GPATCH2: variants seen among roughly 807,000 people sequenced by gnomAD.
GPATCH2 encodes G patch domain-containing protein 2.
In GPATCH2, 51 loss-of-function variants were observed where a neutral mutation model predicts 58.0. The ratio of observed to expected loss-of-function variants is 0.88; its 90% CI spans 0.70 to 1.11. GPATCH2 has a LOEUF of 1.11. GPATCH2 is among the 50% of genes most tolerant of loss of function. GPATCH2 has a pLI of 0.00. For missense variants in GPATCH2, 625 were observed against 652.2 expected (o/e 0.96, Z 0.45); for synonymous variants, 222 against 218.5 (o/e 1.02, Z -0.14).
chr1:217,431,334 T>C lies in GPATCH2; in HGVS notation c.1398A>G (p.Leu466=). The change falls in exon 10 of 10, where the codon CTA becomes CTG. Residue 466 remains leucine, a synonymous_variant. Coordinates refer to ENST00000366935, the MANE Select transcript of GPATCH2 (RefSeq NM_018040.5). ...GCATTCGGTTTCCAATATTATTTTCTAGGATTGGCTGGGCATTTTCACCTA... is the reference window on the plus strand; with the variant it reads ...GCATTCGGTTTCCAATATTATTTTCCAGGATTGGCTGGGCATTTTCACCTA... ...GFVGENAQPI[L]ENNIGNRMLQ... is the part of the protein sequence containing the mutation. The C allele has an allele frequency of 6.2e-7, 1 of 1,606,340 alleles. No homozygotes were observed. The highest frequency in any genetic ancestry group is 8.5e-7 in the Non-Finnish European group (1 of 1,172,808).
chr1:217,537,052 T>C (rs1265220909), intron 5 of GPATCH2, among the ~76,000 whole-genome samples: 3 of 152,194 alleles, frequency 2.0e-5, no homozygotes, highest in Non-Finnish European at 4.4e-5. Context: ...TGGACCTAGA[T>C]TTTTGAATCT....
intron 9 of GPATCH2, among the ~76,000 whole-genome samples, chr1:217,446,650 T>C (rs1659397853): frequency 6.6e-6 from 1 of 152,170 alleles, no homozygotes; most frequent in Non-Finnish European, 1.5e-5. Context: ...TAAAAGTGCA[T>C]TAAATTTCTA....
intron 9 of GPATCH2, among the ~76,000 whole-genome samples, chr1:217,439,046 A>G (rs973048623): frequency 2.3e-4 from 35 of 152,180 alleles, no homozygotes; most frequent in Non-Finnish European, 4.3e-4. Flanking sequence ...AGAACTCTCC[A>G]CTGCAAATCA....
intron 5 of GPATCH2, among the ~76,000 whole-genome samples, chr1:217,574,772 A>G (rs1221253796): frequency 6.6e-6 from 1 of 152,196 alleles, no homozygotes; most frequent in Non-Finnish European, 1.5e-5. Flanking sequence ...TCACTCAGTC[A>G]ATAATAAGCG....
At chr1:217,461,099 G>A (rs1253672744) in intron 8 of GPATCH2, among the ~76,000 whole-genome samples, 10 of 152,108 alleles carry the variant, frequency 6.6e-5, no homozygotes, top group Admixed American at 6.5e-4. Context: ...AGAAAAATGT[G>A]CTTGCTACTT....
chr1:217,612,868 T>C (rs746631409), intron 3 of GPATCH2, among the ~76,000 whole-genome samples: 2 of 152,080 alleles, frequency 1.3e-5, no homozygotes, highest in South Asian at 2.1e-4. Context: ...TTTTAAAAAC[T>C]TGGGAATCTC....
At chr1:217,536,715 C>T (rs1370148507) in intron 5 of GPATCH2, among the ~76,000 whole-genome samples, 1 of 152,060 alleles carries the variant, frequency 6.6e-6, no homozygotes, top group African/African-American at 2.4e-5. Flanking sequence ...TGGCTCATGC[C>T]CGTAATCCCA....
chr1:217,524,026 A>G (rs1181326092), intron 5 of GPATCH2, among the ~76,000 whole-genome samples: 31 of 118,962 alleles, frequency 2.6e-4, no homozygotes, highest in Middle Eastern at 0.013. Context: ...AGGGGCGGCC[A>G]GGCAGAGGTG....
At chr1:217,567,299 G>C (rs1381465095) in intron 5 of GPATCH2, among the ~76,000 whole-genome samples, 1 of 152,150 alleles carries the variant, frequency 6.6e-6, no homozygotes, top group Non-Finnish European at 1.5e-5. Flanking sequence ...GCCCGCCTGG[G>C]CCTCCCAAAG....
intron 5 of GPATCH2, among the ~76,000 whole-genome samples, chr1:217,553,356 A>T (rs1210020488): frequency 6.6e-6 from 1 of 152,124 alleles, no homozygotes; most frequent in Admixed American, 6.6e-5. Context: ...ACTTTAAAAA[A>T]TTTGGTATAC....
At chr1:217,540,465 T>C (rs974984960) in intron 5 of GPATCH2, among the ~76,000 whole-genome samples, 10 of 152,220 alleles carry the variant, frequency 6.6e-5, no homozygotes, top group African/African-American at 2.4e-4. Context: ...AAGTTTTACA[T>C]TGATAGCAGT....
intron 5 of GPATCH2, among the ~76,000 whole-genome samples, chr1:217,598,203 T>C (rs1667937321): frequency 6.6e-6 from 1 of 151,888 alleles, no homozygotes; most frequent in Non-Finnish European, 1.5e-5. Context: ...CTGGCCAACA[T>C]ATCGAAACCC....
intron 5 of GPATCH2, among the ~76,000 whole-genome samples, chr1:217,545,561 A>ACAG (rs1176466024): frequency 6.6e-6 from 1 of 152,212 alleles, no homozygotes; most frequent in East Asian, 1.9e-4. Flanking sequence ...TCCTTCATTG[A>ACAG]ATGTCTAAAC....
Position 217,630,932 on chromosome 1 carries a change from C to A in GPATCH2, c.40G>T (p.Ala14Ser). 6.3e-7 allele frequency: 1 copy of A among 1,590,704 alleles called. No individual in the cohort carries two copies. The change falls in exon 1 of 10, where the codon GCA becomes TCA. Residue 14 changes from alanine (A) to serine (S), a missense_variant. Coordinates refer to ENST00000366935, the MANE Select transcript of GPATCH2 (RefSeq NM_018040.5). ...CAGCCTCACCAGCTGTTCCCGGCTG[C>A]TGGAGCTCCGATCGGTTGGCGCCCG... Reference protein sequence around the residue: ...AAGRQPIGAPAAGNSWHFSRT... With the variant: ...AAGRQPIGAPSAGNSWHFSRT...
chr1:217,452,371 A>T (rs1333300506), intron 8 of GPATCH2, among the ~76,000 whole-genome samples: 1 of 152,248 alleles, frequency 6.6e-6, no homozygotes, highest in Non-Finnish European at 1.5e-5. Flanking sequence ...AAACTAAGCT[A>T]AAACAATTAT....
intron 5 of GPATCH2, among the ~76,000 whole-genome samples, chr1:217,562,041 C>A (rs1310048216): frequency 6.6e-6 from 1 of 152,176 alleles, no homozygotes; most frequent in African/African-American, 2.4e-5. Flanking sequence ...CTTTCTACCA[C>A]CAAAGCCCCG....
At chr1:217,557,905 T>C (rs1665725209) in intron 5 of GPATCH2, among the ~76,000 whole-genome samples, 1 of 152,236 alleles carries the variant, frequency 6.6e-6, no homozygotes, top group Non-Finnish European at 1.5e-5. Context: ...GTAAACTTTA[T>C]TGCCATTTAA....
intron 6 of GPATCH2, among the ~76,000 whole-genome samples, chr1:217,514,179 C>T (rs1479890894): frequency 4.8e-5 from 7 of 146,276 alleles, no homozygotes; most frequent in Non-Finnish European, 7.5e-5. Flanking sequence ...TTTCCTTCTG[C>T]GATGGAGTCT....
chr1:217,611,020 C>A lies in GPATCH2; in HGVS notation c.887G>T (p.Cys296Phe), dbSNP rs1325139353. Residue 296 changes from cysteine to phenylalanine, a missense_variant, in exon 4 of 10, where the codon TGT becomes TTT. Coordinates refer to ENST00000366935, the MANE Select transcript of GPATCH2 (RefSeq NM_018040.5). ...WFYEKESGGA[C>F]GITGVVPWWE... Reference sequence around the variant, plus strand: ...CCAGGGCACAACTCCAGTGATACCACATGCTCCACCTGATTCCTTTTCGTA... The same window carrying A: ...CCAGGGCACAACTCCAGTGATACCAAATGCTCCACCTGATTCCTTTTCGTA... 6.2e-7 allele frequency: 1 copy of A among 1,613,654 alleles called. No individual in the cohort carries two copies. The highest frequency in any genetic ancestry group is 1.1e-5 in the South Asian group (1 of 91,058).
Sources: gnomAD v4.1 joint callset for allele counts (sites outside exome capture counted in the v4.1 genomes callset) on GRCh38, gnomAD v4.1.1 for gene constraint, MANE v1.5 for transcripts, NCBI Gene and HGNC (gene_info 2026-07-23, HGNC 2026-07-21) for gene names.